ADGRG4: variants seen among roughly 807,000 people sequenced by gnomAD.
ADGRG4 encodes the protein adhesion G protein-coupled receptor G4, also known as G protein-coupled receptor 112.
ADGRG4 carries 122 observed loss-of-function variants against 126.2 expected under a neutral mutation model. The observed-to-expected ratio is 0.97, with a 90% CI of 0.83 to 1.12. The LOEUF is 1.12. Among genes scored for constraint, ADGRG4 ranks in the 50% most tolerant of loss-of-function variants. The pLI is 0.00. For synonymous variants in ADGRG4, 943 were observed against 838.7 expected, an observed-to-expected ratio of 1.12 and a Z score of -2.15; for missense variants, 2,481 against 2,251.8, an observed-to-expected ratio of 1.10 and a Z score of -2.06.
At chrX:136,306,280 A>G (rs1179891820) in intron 3 of ADGRG4, 1 of 110,878 alleles carries the variant, frequency 9.0e-6, no homozygotes, top group African/African-American at 3.3e-5. Context: ...AAATTAAGAA[A>G]TACGCATCAT....
At chrX:136,363,442 C>A in intron 12 of ADGRG4, 35 bp from the exon 13 acceptor site, 2 of 935,594 alleles carry the variant, frequency 2.1e-6, no homozygotes, top group Non-Finnish European at 3.1e-6. Flanking sequence ...TTTGCCTCAT[C>A]CTCTGATGAG....
rs746478486 is a variant in ADGRG4, at chrX:136,345,207, G to A, written c.1501G>A (p.Ala501Thr). 2.1e-5 allele frequency: 25 copies of A among 1,209,679 alleles called. No individual in the cohort carries two copies. The highest frequency in any genetic ancestry group is 4.6e-4 in the Middle Eastern group (2 of 4,347). ...FPLATTDMKI[A>T]FTVHSLTLPT... ...ATTGGCAACAACTGATATGAAAATA[G>A]CATTTACAGTCCATTCATTGACTCT... Residue 501 changes from alanine to threonine, a missense_variant, in exon 6 of 26, where the codon GCA becomes ACA. Ala to Thr is a moderately conservative substitution (Grantham distance 58). Coordinates refer to ENST00000394143, the MANE Select transcript of ADGRG4 (RefSeq NM_153834.4).
In ADGRG4 at chrX:136,323,145, G is replaced by A. The variant is rs984229570; in HGVS notation, c.438G>A (p.Thr146=). ...FLNKERILEV[T]DQPHNLTPHG... is the part of the protein sequence containing the mutation. ...ATAAAGAAAGGATACTGGAAGTAAC[G>A]GATCAACCACACAACCTGACACCTC... is the stretch of plus-strand genomic sequence containing the variant. Residue 146 remains threonine, a synonymous_variant, in exon 5 of 26, where the codon ACG becomes ACA. Transcript: ENST00000394143. 7 of 1,209,742 alleles carry A rather than the reference G, an allele frequency of 5.8e-6. No homozygotes were observed. The highest frequency in any genetic ancestry group is 7.8e-6 in the Non-Finnish European group (7 of 895,131).
chrX:136,327,096 TTAAAAA>T (rs1318462691), intron 5 of ADGRG4, among the ~76,000 whole-genome samples: 11 of 111,798 alleles, frequency 9.8e-5, no homozygotes, highest in Non-Finnish European at 1.9e-4. Context: ...CTACTTATTT[TTAAAAA>T]TTACAAATGT....
intron 4 of ADGRG4, among the ~76,000 whole-genome samples, chrX:136,311,838 T>A (rs554335711): frequency 7.2e-5 from 8 of 110,965 alleles, no homozygotes; most frequent in Admixed American, 4.8e-4. Context: ...AAAAGCCCTA[T>A]CTTTTCTTTT....
intron 4 of ADGRG4, among the ~76,000 whole-genome samples, chrX:136,317,644 G>A (rs762912477): frequency 1.8e-5 from 2 of 111,434 alleles, no homozygotes; most frequent in South Asian, 3.8e-4. Flanking sequence ...TCAAGAAAGT[G>A]AAAAGACAAT....
At chrX:136,392,809 G>T (rs763205132) in intron 17 of ADGRG4, among the ~76,000 whole-genome samples, 6 of 112,051 alleles carry the variant, frequency 5.4e-5, no homozygotes, top group Non-Finnish European at 7.5e-5. Flanking sequence ...CTAAGTACAA[G>T]TATGAATGAC....
rs1176456098 is a variant in ADGRG4 at position 136,346,839 on chromosome X, A to G, written c.3133A>G (p.Thr1045Ala). ...TTCTACACTGGCCAGGGCTTTTTCT[A>G]CATCTGTGCTCTCAGATGTCTCAAA... ...EPSTLARAFS[T>A]SVLSDVSNLS... is the part of the protein sequence containing the mutation. The change falls in exon 6 of 26, where the codon ACA becomes GCA. Residue 1045 changes from threonine to alanine, a missense_variant. Thr to Ala is a moderately conservative substitution (Grantham distance 58). Transcript: ENST00000394143. 1 of 1,210,693 alleles carries G rather than the reference A, an allele frequency of 8.3e-7. No homozygotes were observed. The highest frequency in any genetic ancestry group is 1.1e-6 in the Non-Finnish European group (1 of 894,805).
intron 15 of ADGRG4, among the ~76,000 whole-genome samples, chrX:136,378,601 A>C (rs1249887503): frequency 9.0e-6 from 1 of 111,642 alleles, no homozygotes; most frequent in Non-Finnish European, 1.9e-5. Flanking sequence ...TTTTTCCATT[A>C]CTGTGATGTT....
Position 136,310,359 on chromosome X carries a change from C to A in ADGRG4, c.70+1512C>A, listed in dbSNP as rs183188780. On this transcript the variant is annotated intron_variant, in intron 4 of 25. Coordinates refer to ENST00000394143, the MANE Select transcript of ADGRG4 (RefSeq NM_153834.4). ...AAATTATGATAGATGTGCAGGTCCT[C>A]AACCTGCAGAGGTCAATTTAAAGCA... Among the ~76,000 whole-genome samples, 4 of 110,992 alleles carry A rather than the reference C, an allele frequency of 3.6e-5. No homozygotes were observed. The East Asian group carries it at 1.1e-3, about 31-fold the overall frequency.
In ADGRG4 at chrX:136,346,237, C is replaced by A. The variant is rs1603294730; in HGVS notation, c.2531C>A (p.Ala844Glu). 8.3e-7 allele frequency: 1 copy of A among 1,209,399 alleles called. No homozygotes were observed. Among genetic ancestry groups the A allele is most frequent in the East Asian group, 3.0e-5 (1 of 33,808 alleles). The change falls in exon 6 of 26, where the codon GCA (alanine) becomes GAA (glutamate). Residue 844 changes from alanine to glutamate, a missense_variant. Coordinates refer to ENST00000394143, the MANE Select transcript of ADGRG4 (RefSeq NM_153834.4). ...RLNATVTRKEATSHYLMRKST... is the reference protein window; with the variant it reads ...RLNATVTRKEETSHYLMRKST... ...AATGCCACTGTGACAAGAAAAGAAGCAACTTCCCATTATCTTATGAGAAAA... is the reference window on the plus strand; with the variant it reads ...AATGCCACTGTGACAAGAAAAGAAGAAACTTCCCATTATCTTATGAGAAAA...
At position 136,347,475 on chromosome X, in the gene ADGRG4, G is replaced by A. The variant is rs762948773; in HGVS notation, c.3769G>A (p.Asp1257Asn). The A allele has an allele frequency of 4.7e-5, 57 of 1,206,513 alleles. No individual in the cohort carries two copies. The highest frequency in any genetic ancestry group is 7.0e-5 in the African/African-American group (4 of 57,142). The part of the protein sequence containing the change: ...LVTSTSVLSS[D>N]KDQMTISLGK... The stretch of plus-strand genomic sequence containing the variant: ...GACTAGCACCTCTGTCTTATCTTCC[G>A]ACAAAGACCAGATGACCATATCCCT... Residue 1257 changes from aspartate (D) to asparagine (N), a missense_variant, in exon 6 of 26, where the codon GAC (aspartate) becomes AAC (asparagine). Asp to Asn is a conservative substitution (Grantham distance 23). Coordinates refer to ENST00000394143, the MANE Select transcript of ADGRG4 (RefSeq NM_153834.4).
chrX:136,332,384 T>G (rs1423904659), intron 5 of ADGRG4, among the ~76,000 whole-genome samples: 2 of 103,372 alleles, frequency 1.9e-5, no homozygotes, highest in African/African-American at 3.6e-5. Context: ...ATGTGCCACA[T>G]TTTCTTAATC....
chrX:136,341,843 A>G (rs1444550349), intron 5 of ADGRG4, among the ~76,000 whole-genome samples: 2 of 111,993 alleles, frequency 1.8e-5, no homozygotes, highest in African/African-American at 3.2e-5. Flanking sequence ...GCAAATTATA[A>G]GTAATTTTAA....
At chrX:136,332,575 C>T (rs1300487057) in intron 5 of ADGRG4, among the ~76,000 whole-genome samples, 4 of 110,837 alleles carry the variant, frequency 3.6e-5, no homozygotes, top group Non-Finnish European at 7.6e-5. Context: ...CCTGAGGAGT[C>T]GCCACACTGA....
Position 136,350,130 on chromosome X carries a change from G to C in ADGRG4, c.6424G>C (p.Val2142Leu), listed in dbSNP as rs759844006. ...SPSTTDHTLS[V>L]GAMPLPSSTI... ...TTCTACAACTGACCACACTCTATCT[G>C]TTGGTGCCATGCCTCTGCCTAGCTC... The change falls in exon 6 of 26, where the codon GTT becomes CTT. Residue 2142 changes from valine to leucine, a missense_variant. Coordinates refer to ENST00000394143, the MANE Select transcript of ADGRG4 (RefSeq NM_153834.4). 1 of 1,209,474 alleles carries C rather than the reference G, an allele frequency of 8.3e-7. No individual in the cohort carries two copies. The highest frequency in any genetic ancestry group is 1.8e-5 in the South Asian group (1 of 56,915).
intron 5 of ADGRG4, among the ~76,000 whole-genome samples, chrX:136,328,363 G>T (rs963127130): frequency 2.7e-5 from 3 of 112,007 alleles, no homozygotes; most frequent in Non-Finnish European, 3.8e-5. Flanking sequence ...ACAAGCTAAA[G>T]TTCCTCTCAA....
chrX:136,400,026 C>T lies in ADGRG4; in HGVS notation c.8485C>T (p.Leu2829=). 1 of 1,207,209 alleles carries T rather than the reference C, an allele frequency of 8.3e-7. No individual in the cohort carries two copies. The highest frequency in any genetic ancestry group is 1.1e-6 in the Non-Finnish European group (1 of 891,446). The change falls in exon 21 of 26, where the codon CTG becomes TTG. Residue 2829 remains leucine (L), a synonymous_variant. Transcript: ENST00000394143. ...GCTTGTTTCTTTTACTTGGATGGGC[C>T]TGGAGGCAGTCCACATGTATTTGGC... is the stretch of plus-strand genomic sequence containing the variant. ...FLLVSFTWMG[L]EAVHMYLALV...
chrX:136,320,113 A>G (rs150491816), intron 4 of ADGRG4, among the ~76,000 whole-genome samples: 132 of 111,741 alleles, frequency 1.2e-3, no homozygotes, highest in African/African-American at 4.1e-3. Flanking sequence ...CTCCATGACT[A>G]TAGAGGCCTA....
Sources: gnomAD v4.1 joint callset for allele counts (sites outside exome capture counted in the v4.1 genomes callset) on GRCh38, gnomAD v4.1.1 for gene constraint, MANE v1.5 for transcripts, NCBI Gene and HGNC (gene_info 2026-07-23, HGNC 2026-07-21) for gene names.